The following NAALADL2 variants were observed in gnomAD, a reference collection of about 807,000 sequenced individuals.
NAALADL2 encodes N-acetylated alpha-linked acidic dipeptidase like 2, also known as inactive N-acetylated-alpha-linked acidic dipeptidase-like protein 2.
A neutral mutation model predicts 87.2 loss-of-function variants in NAALADL2; 76 were observed. The observed-to-expected ratio is 0.87, with a 90% CI of 0.72 to 1.05. The LOEUF (loss-of-function observed/expected upper bound fraction) is 1.05. NAALADL2 is among the 50% of genes least tolerant of loss of function. NAALADL2 has a pLI of 0.00. For missense variants in NAALADL2, 1,089 were observed against 945.8 expected, an observed-to-expected ratio of 1.15 and a Z score of -1.99; for synonymous variants, 354 against 331.0, an observed-to-expected ratio of 1.07 and a Z score of -0.75.
intron 2 of NAALADL2, among the ~76,000 whole-genome samples, chr3:174,664,113 T>C (rs572657120): frequency 8.5e-5 from 13 of 152,194 alleles, no homozygotes; most frequent in African/African-American, 3.1e-4. Context: ...CTTGGCCAAC[T>C]GCAATTCTGC....
chr3:175,264,031 C>T (rs553814687), intron 4 of NAALADL2, among the ~76,000 whole-genome samples: 1 of 151,816 alleles, frequency 6.6e-6, no homozygotes, highest in South Asian at 2.1e-4. Flanking sequence ...GTCCATTTTT[C>T]CTCCTGTTGA....
At position 175,808,960 on chromosome 3, in the gene NAALADL2, T is replaced by G. The variant is rs899205409; in HGVS notation, c.*5757T>G. 3 of 152,006 alleles carry G rather than the reference T, an allele frequency of 2.0e-5. No homozygotes were observed. Among genetic ancestry groups the G allele is most frequent in the Non-Finnish European group, 4.4e-5 (3 of 67,972 alleles). The allele number at this position is 152,006 out of a possible 1,614,324, so 9.4% of individuals were successfully genotyped here. A position where few individuals can be genotyped will look rare whatever the true frequency, so the allele number is the denominator to read the frequency against. On this transcript the variant is annotated 3_prime_UTR_variant, in exon 14 of 14. Coordinates refer to ENST00000454872, the MANE Select transcript of NAALADL2 (RefSeq NM_207015.3). ...ACTCTCCAACTTCTTCAAAGGGCCT[T>G]TATTCAATATGTTACCACTCATATG... is the stretch of plus-strand genomic sequence containing the variant.
chr3:175,425,056 G>A (rs1439159245), intron 5 of NAALADL2, among the ~76,000 whole-genome samples: 1 of 152,094 alleles, frequency 6.6e-6, no homozygotes, highest in Non-Finnish European at 1.5e-5. Flanking sequence ...AAAATCTATT[G>A]AACTTGGAGA....
intron 5 of NAALADL2, among the ~76,000 whole-genome samples, chr3:175,387,027 G>A (rs1768462380): frequency 1.3e-5 from 2 of 152,094 alleles, no homozygotes; most frequent in South Asian, 4.1e-4. Context: ...TAAGATCTAT[G>A]GAAGCAATGA....
At chr3:175,066,185 T>G (rs1714508874) in intron 1 of NAALADL2, among the ~76,000 whole-genome samples, 1 of 152,046 alleles carries the variant, frequency 6.6e-6, no homozygotes, top group South Asian at 2.1e-4. Flanking sequence ...ATGAGACAGA[T>G]CCACATTTCA....
At chr3:175,448,737 C>G (rs1721084354) in intron 6 of NAALADL2, among the ~76,000 whole-genome samples, 2 of 152,136 alleles carry the variant, frequency 1.3e-5, no homozygotes, top group Non-Finnish European at 2.9e-5. Context: ...GAGACAAAGT[C>G]TTGCTCTGTC....
At chr3:174,997,309 C>T (rs1327919276) in intron 1 of NAALADL2, among the ~76,000 whole-genome samples, 1 of 151,888 alleles carries the variant, frequency 6.6e-6, no homozygotes, top group African/African-American at 2.4e-5. Context: ...AACAGTGTTC[C>T]CTTTCATTAC....
At chr3:174,569,433 G>A (rs1714664915) in intron 2 of NAALADL2, among the ~76,000 whole-genome samples, 1 of 151,954 alleles carries the variant, frequency 6.6e-6, no homozygotes, top group Admixed American at 6.6e-5. Flanking sequence ...ACAAATATGT[G>A]TACCCATTAG....
chr3:175,273,452 A>G (rs1216678720), intron 4 of NAALADL2, among the ~76,000 whole-genome samples: 1 of 152,102 alleles, frequency 6.6e-6, no homozygotes, highest in African/African-American at 2.4e-5. Flanking sequence ...AGGATTTTTC[A>G]ATTGCTACTC....
chr3:175,648,433 A>G (rs1730304987), intron 11 of NAALADL2, among the ~76,000 whole-genome samples: 4 of 151,718 alleles, frequency 2.6e-5, no homozygotes, highest in Admixed American at 2.0e-4. Flanking sequence ...AGAATTTGGA[A>G]CTATAGTACC....
chr3:175,422,191 T>C (rs1353512786), intron 5 of NAALADL2, among the ~76,000 whole-genome samples: 2 of 152,042 alleles, frequency 1.3e-5, no homozygotes, highest in Non-Finnish European at 2.9e-5. Flanking sequence ...GCCAGCAAAA[T>C]AGGAATGAAT....
chr3:175,360,061 C>T (rs906506529), intron 5 of NAALADL2, among the ~76,000 whole-genome samples: 5 of 152,018 alleles, frequency 3.3e-5, no homozygotes, highest in Non-Finnish European at 4.4e-5. Flanking sequence ...TCCTTACATC[C>T]AATACTCAAT....
At chr3:175,290,872 G>A (rs1755561638) in intron 4 of NAALADL2, among the ~76,000 whole-genome samples, 2 of 151,954 alleles carry the variant, frequency 1.3e-5, no homozygotes, top group Admixed American at 6.6e-5. Flanking sequence ...TGTATCTTCA[G>A]TTTGAATAGA....
chr3:175,718,537 T>C, intron 11 of NAALADL2: 2 of 1,591,490 alleles, frequency 1.3e-6, no homozygotes, highest in South Asian at 2.2e-5. Context: ...ATCTTGTAAG[T>C]GTCATGTCTT....
At chr3:175,176,474 G>C (rs1251403909) in intron 2 of NAALADL2, among the ~76,000 whole-genome samples, 1 of 152,064 alleles carries the variant, frequency 6.6e-6, no homozygotes, top group Non-Finnish European at 1.5e-5. Context: ...CAGAATAATG[G>C]TTCCCAATTG....
chr3:175,743,306 A>T (rs1480642843), intron 12 of NAALADL2, among the ~76,000 whole-genome samples: 1 of 152,126 alleles, frequency 6.6e-6, no homozygotes, highest in Non-Finnish European at 1.5e-5. Context: ...CGGCCCAGAG[A>T]ATTCTTTTAT....
At chr3:175,664,744 A>G (rs924357964) in intron 11 of NAALADL2, among the ~76,000 whole-genome samples, 3 of 152,114 alleles carry the variant, frequency 2.0e-5, no homozygotes, top group African/African-American at 4.8e-5. Context: ...AAAAACTCTA[A>G]ATTATTGTCA....
intron 11 of NAALADL2, among the ~76,000 whole-genome samples, chr3:175,674,329 G>C (rs982213937): frequency 1.3e-5 from 2 of 150,514 alleles, no homozygotes; most frequent in Admixed American, 1.3e-4. Context: ...GCGCGATCTC[G>C]GCTCACTGCA....
At chr3:175,278,120 C>T (rs868777086) in intron 4 of NAALADL2, among the ~76,000 whole-genome samples, 3 of 152,190 alleles carry the variant, frequency 2.0e-5, no homozygotes, top group Middle Eastern at 3.4e-3. Context: ...AGCGAGACTC[C>T]GTCTCAATAA....
Sources: allele counts gnomAD v4.1 joint callset (sites outside exome capture counted in the v4.1 genomes callset), GRCh38; gene constraint gnomAD v4.1.1; transcripts MANE v1.5; gene names NCBI Gene and HGNC (gene_info 2026-07-23, HGNC 2026-07-21).